The following SASH1 variants were observed in gnomAD, a reference collection of about 807,000 sequenced individuals.
SASH1 encodes SAM and SH3 domain containing 1.
SASH1 carries 44 observed loss-of-function variants against 125.2 expected under a neutral mutation model. The observed-to-expected ratio is 0.35, with a 90% CI of 0.28 to 0.45. The LOEUF is 0.45. SASH1 is among the 20% of genes least tolerant of loss of function. SASH1 has a pLI of 1.00. For synonymous variants in SASH1, 639 were observed against 649.1 expected (o/e 0.98, Z 0.24); for missense variants, 1,426 against 1,614.5 (o/e 0.88, Z 2.00).
At position 148,393,207 on chromosome 6, in the gene SASH1, C is replaced by T. The variant is rs183706205; in HGVS notation, c.285+2945C>T. 9.6e-3 allele frequency among the ~76,000 whole-genome samples: 1,342 copies of T among 139,850 alleles called. 22 individuals are homozygous for T. The highest frequency in any genetic ancestry group is 0.034 in the African/African-American group (1,269 of 37,296). The allele number at this position is 139,850 out of a possible 152,430, so 91.7% of individuals were successfully genotyped here. On this transcript the variant is annotated intron_variant, in intron 2 of 19. Transcript: ENST00000367467. ...GATTACAGGTGCCCACCACCATGCC[C>T]GGCTAATTTTGTATTTTTTTTTTTT...
At chr6:148,244,429 C>T in the SASH1 span, among the ~76,000 whole-genome samples, 2 of 152,160 alleles carry the variant, frequency 1.3e-5, no homozygotes, top group African/African-American at 4.8e-5. Flanking sequence ...ATACTACATG[C>T]ACATATTGAT....
intron 1 of SASH1, among the ~76,000 whole-genome samples, chr6:148,333,714 AC>A (rs1781062734): frequency 6.6e-6 from 1 of 151,990 alleles, no homozygotes; most frequent in Non-Finnish European, 1.5e-5. Context: ...GGCATGCGCC[AC>A]CACACCTGAC....
At position 148,549,720 on chromosome 6, in the gene SASH1, A is replaced by G. The variant is rs1782781778; in HGVS notation, c.*1162A>G. Reference sequence around the variant, plus strand: ...TTAGATAATTCTTTTAATTTAAACAAAGGTTCACTATGGAACCAGACAAAT... The same window carrying G: ...TTAGATAATTCTTTTAATTTAAACAGAGGTTCACTATGGAACCAGACAAAT... On this transcript the variant is annotated 3_prime_UTR_variant, in exon 20 of 20. Coordinates refer to ENST00000367467, the MANE Select transcript of SASH1 (RefSeq NM_015278.5). The G allele has an allele frequency of 1.3e-5, 5 of 397,352 alleles. No homozygotes were observed. The highest frequency in any genetic ancestry group is 2.2e-5 in the Non-Finnish European group (5 of 225,148). 24.6% of individuals were successfully genotyped at this position (397,352 alleles called of 1,614,324 possible).
At chr6:148,232,549 G>C in the SASH1 span, among the ~76,000 whole-genome samples, 5 of 152,180 alleles carry the variant, frequency 3.3e-5, no homozygotes, top group African/African-American at 1.2e-4. Flanking sequence ...GTGTTGTCGG[G>C]TATGTTAAAT....
At chr6:148,287,113 A>T (rs1562306943) in intron 1 of SASH1, among the ~76,000 whole-genome samples, 2 of 152,074 alleles carry the variant, frequency 1.3e-5, no homozygotes, top group Non-Finnish European at 2.9e-5. Flanking sequence ...CATCAGGAGG[A>T]GACTTCAGCT....
intron 16 of SASH1, 110 bp downstream of exon 16, chr6:148,535,011 C>CT: frequency 8.4e-7 from 1 of 1,192,220 alleles, no homozygotes; most frequent in Non-Finnish European, 1.2e-6. Flanking sequence ...CTGTCCTGTT[C>CT]TTTCTGTTAC....
At chr6:148,497,582 C>A (rs191291485) in intron 8 of SASH1, among the ~76,000 whole-genome samples, 198 of 152,276 alleles carry the variant, frequency 1.3e-3, no homozygotes, top group Non-Finnish European at 2.2e-3. Flanking sequence ...GATCTTCTGC[C>A]CTTCCCGTCA....
rs757033766 is a variant in SASH1 at position 148,531,681 on chromosome 6, G to GTAGAT, written c.1564+23_1564+27dup. ...CCATGAGTAAGTCGAGTTTGTCATT[G>GTAGAT]TAGATTATTTTCTTTGGAGTTAATA... On this transcript the variant is annotated intron_variant, in intron 13 of 19. Transcript: ENST00000367467. 1 of 1,483,864 alleles carries GTAGAT rather than the reference G, an allele frequency of 6.7e-7. No homozygotes were observed. Among genetic ancestry groups the GTAGAT allele is most frequent in the Non-Finnish European group, 9.0e-7 (1 of 1,113,846 alleles). The allele number at this position is 1,483,864 out of a possible 1,614,324, so 91.9% of individuals were successfully genotyped here. A position where few individuals can be genotyped will look rare whatever the true frequency, so the allele number is the denominator to read the frequency against.
rs956704170 is a variant in SASH1, at chr6:148,533,559, G to A, written c.1735-212G>A. On this transcript the variant is annotated intron_variant, in intron 14 of 19. Coordinates refer to ENST00000367467, the MANE Select transcript of SASH1 (RefSeq NM_015278.5). The surrounding 1 kb of genome is among the most constrained non-coding windows in gnomAD (Gnocchi z 6.2). ...GGAGGGGCTGTGACCGGGGGCCTGC[G>A]TGGAATTCCGTACAGTCAGAGACAC... Among the ~76,000 whole-genome samples, 1 of 152,124 alleles carries A rather than the reference G, an allele frequency of 6.6e-6. No homozygotes were observed. The highest frequency in any genetic ancestry group is 1.5e-5 in the Non-Finnish European group (1 of 68,024).
the SASH1 span, among the ~76,000 whole-genome samples, chr6:148,214,932 C>T: frequency 1.3e-5 from 2 of 152,180 alleles, no homozygotes; most frequent in Non-Finnish European, 2.9e-5. Flanking sequence ...ACTCTGGGGC[C>T]ATCCCTGCCC....
chr6:148,277,090 C>G (rs1003294916), intron 1 of SASH1, among the ~76,000 whole-genome samples: 2 of 152,096 alleles, frequency 1.3e-5, no homozygotes, highest in African/African-American at 4.8e-5. Context: ...AGAAAGGGGA[C>G]ACACGAATAG....
chr6:148,330,065 C>T (rs369293374), intron 1 of SASH1, among the ~76,000 whole-genome samples: 6 of 152,224 alleles, frequency 3.9e-5, no homozygotes, highest in Middle Eastern at 3.4e-3. Flanking sequence ...AGATCTGTGA[C>T]TTAAAAAATG....
At chr6:148,507,298 C>T (rs73788577) in intron 8 of SASH1, among the ~76,000 whole-genome samples, 9,682 of 152,126 alleles carry the variant, frequency 0.064, 1,029 homozygotes, top group African/African-American at 0.22. Flanking sequence ...ATGCAGAACC[C>T]GCAATGTGTG....
chr6:148,272,336 G>A (rs749541731), exon 1 of SASH1: 2 of 470,748 alleles, frequency 4.2e-6, no homozygotes, highest in Non-Finnish European at 8.8e-6. Context: ...CCATTTGAAC[G>A]TATGGCCAGC....
At chr6:148,369,847 A>G (rs1782637367) in intron 1 of SASH1, among the ~76,000 whole-genome samples, 1 of 151,640 alleles carries the variant, frequency 6.6e-6, no homozygotes, top group Non-Finnish European at 1.5e-5. Context: ...CCAGCTACTC[A>G]GGAGGCTGAG....
At chr6:148,488,443 C>G (rs1778966787) in intron 8 of SASH1, among the ~76,000 whole-genome samples, 1 of 152,242 alleles carries the variant, frequency 6.6e-6, no homozygotes, top group Admixed American at 6.5e-5. Flanking sequence ...AACAATGCTG[C>G]TCTGAACACT....
chr6:148,527,258 A>T (rs1781233468), intron 11 of SASH1, 195 bp from the exon 12 acceptor site: 2 of 497,008 alleles, frequency 4.0e-6, no homozygotes, highest in Non-Finnish European at 3.4e-6. Flanking sequence ...TCCCACTTTA[A>T]GCAAACAAAA....
At chr6:148,362,145 T>TA (rs1782252273) in intron 1 of SASH1, among the ~76,000 whole-genome samples, 2 of 151,866 alleles carry the variant, frequency 1.3e-5, no homozygotes, top group East Asian at 1.9e-4. Flanking sequence ...GCCAGGATGG[T>TA]CTCGATATCC....
At chr6:148,348,311 T>C (rs908773339) in intron 1 of SASH1, among the ~76,000 whole-genome samples, 2 of 152,184 alleles carry the variant, frequency 1.3e-5, no homozygotes, top group Non-Finnish European at 2.9e-5. Context: ...ATAATTTTGG[T>C]TGGGGTTGCC....
Sources: allele counts gnomAD v4.1 joint callset (sites outside exome capture counted in the v4.1 genomes callset), GRCh38; gene constraint gnomAD v4.1.1; non-coding constraint Gnocchi (gnomAD v3.1); transcripts MANE v1.5; gene names NCBI Gene and HGNC (gene_info 2026-07-23, HGNC 2026-07-21).